CELF2: variants seen among roughly 807,000 people sequenced by gnomAD.
CELF2 encodes the protein CUG triplet repeat RNA-binding protein 2.
CELF2 carries 8 observed loss-of-function variants against 62.6 expected under a neutral mutation model. The ratio of observed to expected loss-of-function variants is 0.13; its 90% confidence interval spans 0.07 to 0.23. The LOEUF (loss-of-function observed/expected upper bound fraction) is 0.23, where lower values mean the gene tolerates loss of function less well. CELF2 is among the 10% of genes least tolerant of loss of function. The probability of loss-of-function intolerance (pLI) is 1.00; values close to 1 mark genes in which losing one functional copy is unlikely to be tolerated. For missense variants in CELF2, 333 were observed against 671.0 expected, an observed-to-expected ratio of 0.50 and a Z score of 5.56; for synonymous variants, 258 against 250.0, an observed-to-expected ratio of 1.03 and a Z score of -0.30.
At chr10:10,689,967 C>A in the CELF2 span, among the ~76,000 whole-genome samples, 4 of 152,174 alleles carry the variant, frequency 2.6e-5, no homozygotes, top group Non-Finnish European at 5.9e-5. Context: ...CATGCAGAGA[C>A]TCCAGTGGCA....
At chr10:10,857,652 TATATATA>T (rs1564727290) in intron 1 of CELF2, among the ~76,000 whole-genome samples, 4 of 80,202 alleles carry the variant, frequency 5.0e-5, no homozygotes, top group Non-Finnish European at 8.2e-5. Context: ...ATATATAGTA[TATATATA>T]TATATATATA....
At chr10:11,168,972 G>A (rs540340747) in intron 2 of CELF2, 5 of 152,318 alleles carry the variant, frequency 3.3e-5, no homozygotes, top group South Asian at 4.1e-4. Flanking sequence ...TCTGTAGATG[G>A]TGAGCAATAC....
intron 1 of CELF2, among the ~76,000 whole-genome samples, chr10:10,870,874 T>C (rs2060697077): frequency 6.6e-6 from 1 of 152,160 alleles, no homozygotes; most frequent in Admixed American, 6.5e-5. Flanking sequence ...TCTTGTTCGT[T>C]AATATATCTT....
At chr10:10,726,658 T>C in the CELF2 span, among the ~76,000 whole-genome samples, 1 of 152,232 alleles carries the variant, frequency 6.6e-6, no homozygotes, top group Non-Finnish European at 1.5e-5. Flanking sequence ...AGATTTTCTG[T>C]AGTAATGTTT....
chr10:10,602,474 G>A, the CELF2 span, among the ~76,000 whole-genome samples: 2 of 132,316 alleles, frequency 1.5e-5, no homozygotes, highest in Non-Finnish European at 3.2e-5. Flanking sequence ...ATTGCCTGGA[G>A]TAGTAGCATG....
At chr10:10,555,233 T>G in the CELF2 span, among the ~76,000 whole-genome samples, 1 of 150,968 alleles carries the variant, frequency 6.6e-6, no homozygotes, top group Non-Finnish European at 1.5e-5. Context: ...TTAAGAGGAA[T>G]CACTGTAAAG....
the CELF2 span, among the ~76,000 whole-genome samples, chr10:10,556,393 T>C: frequency 6.6e-6 from 1 of 152,188 alleles, no homozygotes; most frequent in Non-Finnish European, 1.5e-5. Context: ...TAGTATTCCA[T>C]GGTGTATATG....
chr10:10,648,853 C>T, the CELF2 span, among the ~76,000 whole-genome samples: 4 of 152,182 alleles, frequency 2.6e-5, no homozygotes, highest in Non-Finnish European at 5.9e-5. Context: ...AAAAATATTA[C>T]TATAGCTGCA....
At chr10:11,140,593 G>A (rs943332334) in intron 1 of CELF2, among the ~76,000 whole-genome samples, 1 of 151,852 alleles carries the variant, frequency 6.6e-6, no homozygotes, top group East Asian at 1.9e-4. Flanking sequence ...AATAAGTTTT[G>A]GTATATTGGA....
At chr10:11,129,666 G>C (rs573417222) in intron 1 of CELF2, among the ~76,000 whole-genome samples, 1 of 152,308 alleles carries the variant, frequency 6.6e-6, no homozygotes, top group Non-Finnish European at 1.5e-5. Flanking sequence ...TGTTTGTGTA[G>C]AGGTGTTTAC....
intron 1 of CELF2, among the ~76,000 whole-genome samples, chr10:11,135,205 C>G (rs1426706543): frequency 6.6e-6 from 1 of 152,258 alleles, no homozygotes; most frequent in Non-Finnish European, 1.5e-5. Flanking sequence ...AATGCTCTCT[C>G]TTAACTTAAA....
In CELF2 at chr10:11,270,777, TG is replaced by T; in HGVS notation, c.735del (p.Asn246ThrfsTer2). The stretch of plus-strand genomic sequence containing the variant: ...GATGCAGCAGCTCAACACTGCCACC[TG>T]GGGGAACCTGACAGGGCTGGGCGGA... ...QQMQQLNTATWGNLTGLGGLT... is the reference protein window; with the variant it reads ...QQMQQLNTATXGNLTGLGGLT... On this transcript the variant is annotated frameshift_variant, in exon 7 of 13. Transcript: ENST00000633077. LOFTEE classifies it high-confidence loss of function. This position sits in a 1 kb window ranked among gnomAD's most constrained non-coding sequence, Gnocchi z 5.8. 1.9e-6 allele frequency: 3 copies of T among 1,543,572 alleles called. No individual in the cohort carries two copies. The highest frequency in any genetic ancestry group is 1.8e-6 in the Non-Finnish European group (2 of 1,139,878).
the CELF2 span, among the ~76,000 whole-genome samples, chr10:10,727,066 G>A: frequency 6.6e-6 from 1 of 152,092 alleles, no homozygotes; most frequent in Admixed American, 6.5e-5. Context: ...AGCACTAAGG[G>A]GATGGTGCTA....
chr10:11,173,969 G>A lies in CELF2; in HGVS notation c.271+8287G>A, dbSNP rs538354745. Among the ~76,000 whole-genome samples the A allele has an allele frequency of 5.9e-5, 9 of 152,256 alleles. 1 individual carries two copies. The East Asian group carries it at 1.5e-3, about 26-fold the overall frequency. ...TAATGTGTTGGGTTCTGAGACAGTCGGGAGAATTGAAGATGTTCCGACCCA... is the reference window on the plus strand; with the variant it reads ...TAATGTGTTGGGTTCTGAGACAGTCAGGAGAATTGAAGATGTTCCGACCCA... On this transcript the variant is annotated intron_variant, in intron 2 of 12. Transcript: ENST00000633077.
the CELF2 span, among the ~76,000 whole-genome samples, chr10:10,703,090 T>A: frequency 6.6e-6 from 1 of 152,216 alleles, no homozygotes; most frequent in Non-Finnish European, 1.5e-5. Flanking sequence ...CTTCAGAACC[T>A]GCAGGTGTTG....
chr10:10,672,184 C>G, the CELF2 span, among the ~76,000 whole-genome samples: 1 of 152,190 alleles, frequency 6.6e-6, no homozygotes, highest in African/African-American at 2.4e-5. Context: ...TATCGCCGGT[C>G]TGTGACTTGC....
At chr10:10,712,391 T>C in the CELF2 span, among the ~76,000 whole-genome samples, 4 of 152,158 alleles carry the variant, frequency 2.6e-5, no homozygotes, top group African/African-American at 9.7e-5. Context: ...TTGACTTCCA[T>C]GATTTATATT....
At chr10:11,116,178 G>C (rs1390722503) in intron 1 of CELF2, among the ~76,000 whole-genome samples, 1 of 152,202 alleles carries the variant, frequency 6.6e-6, no homozygotes, top group Non-Finnish European at 1.5e-5. Flanking sequence ...TCGTAGAAAT[G>C]TACAAACCAT....
At chr10:10,494,562 T>G in the CELF2 span, among the ~76,000 whole-genome samples, 1 of 152,168 alleles carries the variant, frequency 6.6e-6, no homozygotes, top group Non-Finnish European at 1.5e-5. Flanking sequence ...AGGAAAGCAA[T>G]AAATATATGA....
Sources: gnomAD v4.1 joint callset for allele counts (sites outside exome capture counted in the v4.1 genomes callset) on GRCh38, gnomAD v4.1.1 for gene constraint, Gnocchi (gnomAD v3.1) non-coding constraint, MANE v1.5 for transcripts, NCBI Gene and HGNC (gene_info 2026-07-23, HGNC 2026-07-21) for gene names.